The following MTO1 variants were observed in gnomAD, a reference collection of about 807,000 sequenced individuals.
MTO1 encodes mitochondrial tRNA translation optimization 1, also known as 5-taurinomethyluridine-[tRNA] synthase subunit MTO1, mitochondrial.
Under a neutral mutation model 71.6 loss-of-function variants are expected in MTO1, and 46 were observed. The ratio of observed to expected loss-of-function variants is 0.64; its 90% CI spans 0.51 to 0.82. The LOEUF (loss-of-function observed/expected upper bound fraction) is 0.82, where lower values mean the gene tolerates loss of function less well. MTO1 is among the 40% of genes least tolerant of loss of function. MTO1 has a pLI of 0.00. For missense variants in MTO1, 773 were observed against 867.5 expected (o/e 0.89, Z 1.37); for synonymous variants, 297 against 312.1 (o/e 0.95, Z 0.51).
intron 3 of MTO1, among the ~76,000 whole-genome samples, chr6:73,467,278 C>T (rs1771025938): frequency 6.6e-6 from 1 of 151,964 alleles, no homozygotes; most frequent in African/African-American, 2.4e-5. Context: ...TATGCCACTG[C>T]ACTCCAGCCT....
At chr6:73,470,454 C>T (rs1771118574) in intron 3 of MTO1, among the ~76,000 whole-genome samples, 1 of 152,096 alleles carries the variant, frequency 6.6e-6, no homozygotes. Flanking sequence ...GGTCCGCCCA[C>T]CTCGGCCTCC....
intron 10 of MTO1, among the ~76,000 whole-genome samples, chr6:73,493,539 C>T (rs901982663): frequency 5.9e-5 from 9 of 151,704 alleles, no homozygotes; most frequent in African/African-American, 1.2e-4. Flanking sequence ...TACAGGGCCC[C>T]GCCACAAGGC....
At chr6:73,497,222 G>A (rs1243915682) in intron 10 of MTO1, among the ~76,000 whole-genome samples, 2 of 120,138 alleles carry the variant, frequency 1.7e-5, no homozygotes, top group East Asian at 2.8e-4. Context: ...GCGCTATATC[G>A]GCTCACTGCA....
chr6:73,463,075 G>C (rs939600175), intron 1 of MTO1, among the ~76,000 whole-genome samples: 1 of 148,858 alleles, frequency 6.7e-6, no homozygotes, highest in African/African-American at 2.5e-5. Flanking sequence ...ACAGGCTCAA[G>C]TGCAGTGGCG....
chr6:73,480,735 A>C lies in MTO1; in HGVS notation c.1190A>C (p.His397Pro). 1 of 1,613,916 alleles carries C rather than the reference A, an allele frequency of 6.2e-7. No homozygotes were observed. Among genetic ancestry groups the C allele is most frequent in the Non-Finnish European group, 8.5e-7 (1 of 1,179,880 alleles). The change falls in exon 7 of 12, where the codon CAT (histidine) becomes CCT (proline). Residue 397 changes from histidine (H) to proline (P), a missense_variant. His to Pro is a moderately conservative substitution (Grantham distance 77). Coordinates refer to ENST00000498286, the MANE Select transcript of MTO1 (RefSeq NM_012123.4). Reference sequence around the variant, plus strand: ...CAGATCACCCCTTCCTTGGAGACTCATTTGGTTCAACGACTCTTCTTTGCT... The same window carrying C: ...CAGATCACCCCTTCCTTGGAGACTCCTTTGGTTCAACGACTCTTCTTTGCT... ...PRQITPSLET[H>P]LVQRLFFAGQ...
intron 4 of MTO1, among the ~76,000 whole-genome samples, chr6:73,476,705 C>G (rs985259530): frequency 6.6e-6 from 1 of 151,838 alleles, no homozygotes; most frequent in Non-Finnish European, 1.5e-5. Flanking sequence ...AAGCCTATAT[C>G]TCAACTAAGC....
At chr6:73,480,202 G>C (rs747091538) in intron 6 of MTO1, 76 bp downstream of exon 6, 1 of 1,393,870 alleles carries the variant, frequency 7.2e-7, no homozygotes, top group Non-Finnish European at 1.0e-6. Context: ...CTTAGCTACA[G>C]TCATTGTTGT....
intron 3 of MTO1, chr6:73,471,418 T>A (rs1039480650): frequency 2.2e-6 from 1 of 451,610 alleles, no homozygotes; most frequent in African/African-American, 2.0e-5. Flanking sequence ...TTAAATTGTT[T>A]ATTTTTTTAT....
At chr6:73,496,478 C>CT (rs1010482130) in intron 10 of MTO1, among the ~76,000 whole-genome samples, 3 of 146,534 alleles carry the variant, frequency 2.0e-5, no homozygotes, top group Non-Finnish European at 3.0e-5. Context: ...TTTTTTTTTT[C>CT]TTTTTTTTAA....
chr6:73,494,770 C>T (rs562018025), intron 10 of MTO1, among the ~76,000 whole-genome samples: 2 of 143,670 alleles, frequency 1.4e-5, no homozygotes, highest in South Asian at 4.4e-4. Flanking sequence ...GGCACTGCTC[C>T]TGGCCTTTTT....
chr6:73,480,157 A>G (rs1388218883), intron 6 of MTO1, 31 bp downstream of exon 6: 2 of 1,604,050 alleles, frequency 1.2e-6, no homozygotes, highest in Non-Finnish European at 1.7e-6. Flanking sequence ...CCTTCAGTAT[A>G]AGGTCAGCAT....
At chr6:73,496,631 TC>T (rs1184286373) in intron 10 of MTO1, among the ~76,000 whole-genome samples, 1 of 81,272 alleles carries the variant, frequency 1.2e-5, no homozygotes, top group Non-Finnish European at 2.4e-5. Flanking sequence ...CCCTACCCCC[TC>T]CCCCCACCCC....
At chr6:73,476,578 G>C (rs2150033589) in intron 4 of MTO1, among the ~76,000 whole-genome samples, 1 of 151,984 alleles carries the variant, frequency 6.6e-6, no homozygotes, top group South Asian at 2.1e-4. Flanking sequence ...TATCGCTATA[G>C]ATATATCAAT....
At chr6:73,494,070 T>A (rs2150043235) in intron 10 of MTO1, among the ~76,000 whole-genome samples, 1 of 151,862 alleles carries the variant, frequency 6.6e-6, no homozygotes, top group African/African-American at 2.4e-5. Flanking sequence ...CCATCTCTAC[T>A]AAAAATACAA....
intron 9 of MTO1, among the ~76,000 whole-genome samples, chr6:73,484,141 A>G (rs1034059516): frequency 6.6e-6 from 1 of 152,128 alleles, no homozygotes. Flanking sequence ...CAGATTTTTA[A>G]TAATAGTAAC....
At chr6:73,480,614 C>T in intron 6 of MTO1, 61 bp from the exon 7 acceptor site, 3 of 1,591,844 alleles carry the variant, frequency 1.9e-6, no homozygotes, top group Non-Finnish European at 1.7e-6. Flanking sequence ...ATGCTTGCAT[C>T]TCTACCTTGA....
intron 11 of MTO1, among the ~76,000 whole-genome samples, chr6:73,498,699 T>C (rs1772068278): frequency 1.3e-5 from 2 of 152,102 alleles, no homozygotes; most frequent in Non-Finnish European, 2.9e-5. Flanking sequence ...AAATACACTT[T>C]TCTCCACATT....
At chr6:73,474,097 C>A (rs1771239306) in intron 4 of MTO1, among the ~76,000 whole-genome samples, 2 of 150,178 alleles carry the variant, frequency 1.3e-5, no homozygotes, top group Admixed American at 6.6e-5. Flanking sequence ...AAGAAGTTAT[C>A]CTTTTTTTTT....
intron 3 of MTO1, among the ~76,000 whole-genome samples, chr6:73,470,633 G>A (rs1279971670): frequency 6.6e-6 from 1 of 152,110 alleles, no homozygotes; most frequent in African/African-American, 2.4e-5. Context: ...AAAGCATATA[G>A]AGTGAAAAGA....
Sources: allele counts gnomAD v4.1 joint callset (sites outside exome capture counted in the v4.1 genomes callset), GRCh38; gene constraint gnomAD v4.1.1; transcripts MANE v1.5; gene names NCBI Gene and HGNC (gene_info 2026-07-23, HGNC 2026-07-21).